The following EXOC3L4 variants were observed in gnomAD, a reference collection of about 807,000 sequenced individuals.
EXOC3L4 encodes the protein exocyst complex component 3-like protein 4.
In EXOC3L4, 62 loss-of-function variants were observed where a neutral mutation model predicts 69.7. That is an observed-to-expected ratio of 0.89 (90% confidence interval 0.72 to 1.10). EXOC3L4 has a LOEUF of 1.10. Ranked by LOEUF, EXOC3L4 falls within the 50% of genes least tolerant of loss-of-function variation. The pLI is 0.00. For missense variants in EXOC3L4, 1,087 were observed against 1,034.8 expected (o/e 1.05, Z -0.69); for synonymous variants, 502 against 464.2 (o/e 1.08, Z -1.05).
At chr14:103,105,372 G>GTT in intron 7 of EXOC3L4, among the ~76,000 whole-genome samples, 1 of 151,880 alleles carries the variant, frequency 6.6e-6, no homozygotes, top group Admixed American at 6.6e-5. Flanking sequence ...GTGTGTGTGT[G>GTT]TGTGTGTGTG....
At chr14:103,095,610 C>T (rs1007057061) in intron 1 of EXOC3L4, among the ~76,000 whole-genome samples, 2 of 152,146 alleles carry the variant, frequency 1.3e-5, no homozygotes, top group Admixed American at 1.3e-4. Context: ...CCAGAGGGGT[C>T]ATTAGGAGAG....
chr14:103,110,136 G>A lies in EXOC3L4; in HGVS notation c.2082G>A (p.Ala694=), dbSNP rs748294539. The A allele has an allele frequency of 5.8e-5, 90 of 1,552,106 alleles. No individual in the cohort carries two copies. The Middle Eastern group carries it at 1.2e-3, about 20-fold the overall frequency. The change falls in exon 12 of 12, where the codon GCG becomes GCA. Residue 694 remains alanine, a synonymous_variant. Coordinates refer to ENST00000688303, the MANE Select transcript of EXOC3L4 (RefSeq NM_001077594.2). ...ACCTGCTGAGAGCTGCGGCCGGGGC[G>A]GCGGGTGCGGAGGCCCCTCGGGGCC... ...TQDLLRAAAG[A]AGAEAPRGRV... is the part of the protein sequence containing the mutation.
In EXOC3L4 at chr14:103,110,084, A is replaced by C. The variant is rs777178744; in HGVS notation, c.2030A>C (p.Asn677Thr). ...LALRRLGRQR[N>T]QHLLQHTQDL... The stretch of plus-strand genomic sequence containing the variant: ...CTGCGCCGACTGGGCCGCCAGCGGA[A>C]CCAGCATCTCTTGCAGCACACTCAA... Residue 677 changes from asparagine to threonine, a missense_variant, in exon 12 of 12, where the codon AAC becomes ACC. By Grantham distance (65) the Asn-to-Thr change is moderately conservative. Coordinates refer to ENST00000688303, the MANE Select transcript of EXOC3L4 (RefSeq NM_001077594.2). 3 of 1,598,126 alleles carry C rather than the reference A, an allele frequency of 1.9e-6. No homozygotes were observed. The highest frequency in any genetic ancestry group is 4.5e-5 in the East Asian group (2 of 44,372).
chr14:103,096,009 T>C (rs1250860218), intron 1 of EXOC3L4, among the ~76,000 whole-genome samples: 1 of 152,160 alleles, frequency 6.6e-6, no homozygotes, highest in African/African-American at 2.4e-5. Context: ...ATTTTCCTTA[T>C]TTGCAGGGGC....
At chr14:103,101,129 A>G (rs1875968741) in intron 2 of EXOC3L4, among the ~76,000 whole-genome samples, 1 of 151,586 alleles carries the variant, frequency 6.6e-6, no homozygotes. Flanking sequence ...CCTGGTCTTG[A>G]GCTCCTGACC....
In EXOC3L4 at chr14:103,097,554, C is replaced by T. The variant is rs983554209; in HGVS notation, c.-16-2650C>T. Among the ~76,000 whole-genome samples, 7 of 152,130 alleles carry T rather than the reference C, an allele frequency of 4.6e-5. No individual in the cohort carries two copies. The highest frequency in any genetic ancestry group is 1.7e-4 in the African/African-American group (7 of 41,422). ...CAGCAGGCAGGCCAGCCGGGGGTGG[C>T]AGGGCGACCCTGATACCGATGTTCC... On this transcript the variant is annotated intron_variant, in intron 1 of 11. Transcript: ENST00000688303. The surrounding 1 kb of genome is among the most constrained non-coding windows in gnomAD (Gnocchi z 4.9).
Position 103,110,169 on chromosome 14 carries a change from C to T in EXOC3L4, c.2115C>T (p.Leu705=), listed in dbSNP as rs764577994. 6 of 1,534,320 alleles carry T rather than the reference C, an allele frequency of 3.9e-6. No individual in the cohort carries two copies. In the East Asian group the frequency reaches 1.2e-4, roughly 31 times the overall value. The change falls in exon 12 of 12, where the codon CTC becomes CTT. Residue 705 remains leucine (L), a synonymous_variant. Coordinates refer to ENST00000688303, the MANE Select transcript of EXOC3L4 (RefSeq NM_001077594.2). ...CGGAGGCCCCTCGGGGCCGCGTGCT[C>T]TTCGAGGAGATCAAGGTGCCCAGTG... The part of the protein sequence containing the change: ...AGAEAPRGRV[L]FEEIKVPSAM...
In EXOC3L4 at chr14:103,100,373, T is replaced by A; in HGVS notation, c.154T>A (p.Ser52Thr). ...RKDGTRLGLG[S>T]LRQAFSRASQ... is the part of the protein sequence containing the mutation. ...GGATGGCACAAGGCTGGGCCTGGGCTCCCTGAGGCAGGCCTTCTCCCGGGC... is the reference window on the plus strand; with the variant it reads ...GGATGGCACAAGGCTGGGCCTGGGCACCCTGAGGCAGGCCTTCTCCCGGGC... The change falls in exon 2 of 12, where the codon TCC becomes ACC. Residue 52 changes from serine (S) to threonine (T), a missense_variant. By Grantham distance (58) the Ser-to-Thr change is moderately conservative (BLOSUM62 1). Coordinates refer to ENST00000688303, the MANE Select transcript of EXOC3L4 (RefSeq NM_001077594.2). 4 of 1,607,630 alleles carry A rather than the reference T, an allele frequency of 2.5e-6. No individual in the cohort carries two copies. The highest frequency in any genetic ancestry group is 3.4e-6 in the Non-Finnish European group (4 of 1,176,986).
chr14:103,102,736 A>G lies in EXOC3L4; in HGVS notation c.1013A>G (p.Tyr338Cys). The change falls in exon 3 of 12, where the codon TAT becomes TGT. Residue 338 changes from tyrosine (Y) to cysteine (C), a missense_variant. Physicochemically the swap from Tyr to Cys is radical, Grantham distance 194 (BLOSUM62 -2). Transcript: ENST00000688303. ...GACGCCCGCGGCTGCGAGCAGCTCT[A>G]TATCCTGCTGGACTGGGCCGCCAAC... ...ARDARGCEQL[Y>C]ILLDWAANVY... 5 of 1,426,786 alleles carry G rather than the reference A, an allele frequency of 3.5e-6. No homozygotes were observed. Among genetic ancestry groups the G allele is most frequent in the Non-Finnish European group, 4.6e-6 (5 of 1,093,060 alleles). The allele number at this position is 1,426,786 out of a possible 1,614,324, so 88.4% of individuals were successfully genotyped here. A position where few individuals can be genotyped will look rare whatever the true frequency, so the allele number is the denominator to read the frequency against.
chr14:103,096,305 G>C (rs1372456923), intron 1 of EXOC3L4, among the ~76,000 whole-genome samples: 1 of 152,032 alleles, frequency 6.6e-6, no homozygotes, highest in Non-Finnish European at 1.5e-5. Flanking sequence ...GGTGAGCTAT[G>C]ATCGCATCCC....
chr14:103,102,382 C>CGGA lies in EXOC3L4; in HGVS notation c.666_668dup (p.Glu223dup). 1 of 1,558,074 alleles carries CGGA rather than the reference C, an allele frequency of 6.4e-7. No individual in the cohort carries two copies. The highest frequency in any genetic ancestry group is 1.2e-5 in the South Asian group (1 of 86,310). On this transcript the variant is annotated inframe_insertion, in exon 3 of 12. Transcript: ENST00000688303. ...GCCGAGCTGGCCCGCGTGGTGAGCG[C>CGGA]GGAGGAGGAAGCCCACCCTTCTCCC...
At chr14:103,095,743 T>C (rs542982126) in intron 1 of EXOC3L4, among the ~76,000 whole-genome samples, 5 of 152,234 alleles carry the variant, frequency 3.3e-5, no homozygotes, top group Non-Finnish European at 7.3e-5. Context: ...TAATAGGCTT[T>C]GCTAGGGTAT....
intron 3 of EXOC3L4, 45 bp from the exon 4 acceptor site, chr14:103,103,896 G>A (rs1156664688): frequency 2.2e-6 from 3 of 1,377,198 alleles, no homozygotes; most frequent in Admixed American, 2.1e-5. Context: ...AGCGGCTGCC[G>A]CATCAGAGCC....
Position 103,102,431 on chromosome 14 carries a change from C to G in EXOC3L4, c.708C>G (p.Arg236=), listed in dbSNP as rs1406451925. Residue 236 remains arginine (R), a synonymous_variant, in exon 3 of 12, where the codon CGC becomes CGG. Coordinates refer to ENST00000688303, the MANE Select transcript of EXOC3L4 (RefSeq NM_001077594.2). ...CCCCCGACGACGGCGACTTCCTGCG[C>G]ACGCCGCGCCGCTGGCGCCAGCACT... The part of the protein sequence containing the change: ...PSPPDDGDFL[R]TPRRWRQHWE... 6.6e-7 allele frequency: 1 copy of G among 1,516,364 alleles called. No individual in the cohort carries two copies. Among genetic ancestry groups the G allele is most frequent in the Non-Finnish European group, 8.8e-7 (1 of 1,140,910 alleles). 93.9% of individuals were successfully genotyped at this position (1,516,364 alleles called of 1,614,324 possible). A position where few individuals can be genotyped will look rare whatever the true frequency, so the allele number is the denominator to read the frequency against.
At chr14:103,104,223 G>T in intron 4 of EXOC3L4, 44 bp from the exon 5 acceptor site, 1 of 1,510,312 alleles carries the variant, frequency 6.6e-7, no homozygotes, top group Non-Finnish European at 8.9e-7. Context: ...GCGCGGGACG[G>T]GGTCTGGGAG....
chr14:103,109,987 T>G (rs772732069), intron 11 of EXOC3L4, 44 bp from the exon 12 acceptor site: 1 of 1,529,362 alleles, frequency 6.5e-7, no homozygotes, highest in Non-Finnish European at 8.8e-7. Context: ...CTGGGGGTGT[T>G]GCGGAGGTGT....
At chr14:103,096,720 A>G (rs1188891446) in intron 1 of EXOC3L4, among the ~76,000 whole-genome samples, 4 of 152,250 alleles carry the variant, frequency 2.6e-5, no homozygotes, top group Non-Finnish European at 5.9e-5. Flanking sequence ...TAGGAAATCC[A>G]GCTAGTTCTG....
intron 3 of EXOC3L4, 144 bp from the exon 4 acceptor site, chr14:103,103,797 C>CGCGGGTGTGTGT: frequency 2.3e-6 from 1 of 432,430 alleles, no homozygotes. Context: ...GGCGCGCGCG[C>CGCGGGTGTGTGT]GTGTGTGTGT....
At chr14:103,105,615 T>C (rs768323306) in intron 7 of EXOC3L4, among the ~76,000 whole-genome samples, 22 of 152,052 alleles carry the variant, frequency 1.4e-4, no homozygotes, top group Non-Finnish European at 2.8e-4. Flanking sequence ...TTCTTCCATC[T>C]TGGGACACCT....
Sources: allele counts gnomAD v4.1 joint callset (sites outside exome capture counted in the v4.1 genomes callset), GRCh38; gene constraint gnomAD v4.1.1; non-coding constraint Gnocchi (gnomAD v3.1); transcripts MANE v1.5; gene names NCBI Gene and HGNC (gene_info 2026-07-23, HGNC 2026-07-21).